POLA1: variants seen among roughly 807,000 people sequenced by gnomAD.
POLA1 encodes the protein DNA polymerase alpha 1, catalytic subunit.
A neutral mutation model predicts 124.0 loss-of-function variants in POLA1; 15 were observed. The ratio of observed to expected loss-of-function variants is 0.12; its 90% CI spans 0.08 to 0.19. POLA1 has a LOEUF of 0.19. Among genes scored for constraint, POLA1 ranks in the 10% least tolerant of loss-of-function variants. POLA1 has a pLI of 1.00. For synonymous variants in POLA1, 408 were observed against 389.4 expected (o/e 1.05, Z -0.56); for missense variants, 886 against 1,103.4 (o/e 0.80, Z 2.79).
At chrX:24,991,412 C>G (rs1217599860) in intron 36 of POLA1, among the ~76,000 whole-genome samples, 1 of 112,504 alleles carries the variant, frequency 8.9e-6, no homozygotes, top group African/African-American at 3.2e-5. Flanking sequence ...GTAAGGGGCA[C>G]GACTCTTACC....
rs1325075206 is a variant in POLA1 at position 24,762,136 on chromosome X, T to C, written c.2964+13144T>C. On this transcript the variant is annotated intron_variant, in intron 26 of 36. Coordinates refer to ENST00000379068, the MANE Select transcript of POLA1 (RefSeq NM_001330360.2). ...TGATGATAATTACTGCTCAGTGGGC[T>C]TCAGTTACAAAGCACCTTAACATAG... Among the ~76,000 whole-genome samples, 7 of 111,796 alleles carry C rather than the reference T, an allele frequency of 6.3e-5. No homozygotes were observed. In the Admixed American group the frequency reaches 6.6e-4, roughly 11 times the overall value.
intron 34 of POLA1, among the ~76,000 whole-genome samples, chrX:24,847,509 G>A (rs1465944134): frequency 9.0e-6 from 1 of 111,503 alleles, no homozygotes; most frequent in South Asian, 3.8e-4. Context: ...TAAACATTGC[G>A]ATATTGCTGG....
chrX:24,752,018 A>C (rs1339919134), intron 26 of POLA1, among the ~76,000 whole-genome samples: 1 of 111,705 alleles, frequency 9.0e-6, no homozygotes, highest in Admixed American at 9.5e-5. Context: ...AAAGATTATA[A>C]AATTTTGCAT....
intron 26 of POLA1, among the ~76,000 whole-genome samples, chrX:24,789,382 A>G (rs1425970885): frequency 8.9e-6 from 1 of 112,046 alleles, no homozygotes; most frequent in Non-Finnish European, 1.9e-5. Context: ...CCGAAAAAAG[A>G]TATTAAGAGA....
intron 35 of POLA1, among the ~76,000 whole-genome samples, chrX:24,924,501 A>G (rs2047662360): frequency 9.0e-6 from 1 of 111,544 alleles, no homozygotes; most frequent in African/African-American, 3.3e-5. Context: ...TCATTAAGCA[A>G]TATGCATGTG....
chrX:24,735,005 T>TGG (rs1931185111), intron 17 of POLA1, among the ~76,000 whole-genome samples: 1 of 112,111 alleles, frequency 8.9e-6, no homozygotes, highest in Non-Finnish European at 1.9e-5. Flanking sequence ...ATACAATCCT[T>TGG]GGGATTTCTT....
chrX:24,699,268 G>T (rs766577518), intron 1 of POLA1, among the ~76,000 whole-genome samples, 157 bp from the exon 2 acceptor site: 2 of 112,164 alleles, frequency 1.8e-5, no homozygotes, highest in South Asian at 7.4e-4. Flanking sequence ...TGTATGTTTG[G>T]CCATGAGCTT....
intron 34 of POLA1, among the ~76,000 whole-genome samples, chrX:24,862,002 T>C (rs2046722710): frequency 8.9e-6 from 1 of 111,881 alleles, no homozygotes; most frequent in Admixed American, 9.5e-5. Flanking sequence ...AATCGTTCCT[T>C]TTCTTCTAAA....
intron 26 of POLA1, among the ~76,000 whole-genome samples, chrX:24,791,814 C>T (rs184049213): frequency 8.9e-6 from 1 of 112,224 alleles, no homozygotes; most frequent in Non-Finnish European, 1.9e-5. Context: ...GTTCCAAGTT[C>T]CGTGTTGCAT....
intron 35 of POLA1, among the ~76,000 whole-genome samples, chrX:24,906,437 A>T (rs1383115855): frequency 9.1e-6 from 1 of 110,085 alleles, no homozygotes; most frequent in Non-Finnish European, 1.9e-5. Flanking sequence ...TCTCACTTAT[A>T]AGTGGGTATG....
At chrX:24,922,181 C>T (rs1444190176) in intron 35 of POLA1, among the ~76,000 whole-genome samples, 1 of 110,282 alleles carries the variant, frequency 9.1e-6, no homozygotes, top group Non-Finnish European at 1.9e-5. Context: ...TCAAGGAGGT[C>T]CTCCTGCCTC....
chrX:24,713,170 G>C, intron 4 of POLA1, among the ~76,000 whole-genome samples: 1 of 110,232 alleles, frequency 9.1e-6, no homozygotes, highest in Non-Finnish European at 1.9e-5. Context: ...TCAGCATGTT[G>C]GTCAGGCTGG....
intron 35 of POLA1, among the ~76,000 whole-genome samples, chrX:24,888,607 T>G (rs1304515472): frequency 3.2e-5 from 3 of 94,239 alleles, no homozygotes; most frequent in Non-Finnish European, 4.2e-5. Flanking sequence ...CTTGTTTTTT[T>G]TTTTTTTTTT....
chrX:24,925,430 C>T (rs1359670698), intron 35 of POLA1, among the ~76,000 whole-genome samples: 1 of 111,902 alleles, frequency 8.9e-6, no homozygotes, highest in East Asian at 2.8e-4. Flanking sequence ...AATTCAGGGA[C>T]AAGTTGTGTT....
At chrX:24,950,548 C>T (rs1043518503) in intron 36 of POLA1, among the ~76,000 whole-genome samples, 1 of 111,450 alleles carries the variant, frequency 9.0e-6, no homozygotes, top group South Asian at 3.8e-4. Flanking sequence ...CTGTAGTTAC[C>T]CAAGTGGCAA....
chrX:24,747,315 G>A (rs984665554), intron 24 of POLA1, among the ~76,000 whole-genome samples: 89 of 109,249 alleles, frequency 8.1e-4, no homozygotes, highest in Non-Finnish European at 1.4e-3. Flanking sequence ...ACAGGCATGC[G>A]CCACCATGCC....
rs767909640 is a variant in POLA1, at chrX:24,885,650, G to A, written c.4048-2356G>A. 4.5e-5 allele frequency among the ~76,000 whole-genome samples: 5 copies of A among 110,767 alleles called. No homozygotes were observed. In the South Asian group the frequency reaches 1.9e-3, roughly 43 times the overall value. On this transcript the variant is annotated intron_variant, in intron 34 of 36. Coordinates refer to ENST00000379068, the MANE Select transcript of POLA1 (RefSeq NM_001330360.2). ...CCCGGGTTCAAGCAGTCAGCCTCCC[G>A]AGTAGCTGGAACTACAGGCATGTGC...
At chrX:24,975,910 G>T (rs1345166888) in intron 36 of POLA1, among the ~76,000 whole-genome samples, 1 of 112,497 alleles carries the variant, frequency 8.9e-6, no homozygotes, top group Non-Finnish European at 1.9e-5. Context: ...CGTCAAGGAT[G>T]TTTTCTGATC....
At chrX:24,862,995 C>A (rs2046738216) in intron 34 of POLA1, among the ~76,000 whole-genome samples, 1 of 111,799 alleles carries the variant, frequency 8.9e-6, no homozygotes. Flanking sequence ...TTCTGAATAC[C>A]TAACAGTTTG....
Sources: gnomAD v4.1 joint callset for allele counts (sites outside exome capture counted in the v4.1 genomes callset) on GRCh38, gnomAD v4.1.1 for gene constraint, MANE v1.5 for transcripts, NCBI Gene and HGNC (gene_info 2026-07-23, HGNC 2026-07-21) for gene names.